The following NUB1 variants were observed in gnomAD, a reference collection of about 807,000 sequenced individuals.
NUB1 encodes the protein negative regulator of ubiquitin like proteins 1.
A neutral mutation model predicts 77.1 loss-of-function variants in NUB1; 41 were observed. The observed-to-expected ratio is 0.53, with a 90% CI of 0.41 to 0.69. The LOEUF is 0.69. Among genes scored for constraint, NUB1 ranks in the 30% least tolerant of loss-of-function variants. The pLI is 0.00. For synonymous variants in NUB1, 257 were observed against 281.0 expected, an observed-to-expected ratio of 0.91 and a Z score of 0.85; for missense variants, 643 against 743.8, an observed-to-expected ratio of 0.86 and a Z score of 1.58.
rs150021881 is a variant in NUB1 at position 151,348,075 on chromosome 7, A to G, written c.118-998A>G. 6.7e-3 allele frequency among the ~76,000 whole-genome samples: 1,021 copies of G among 152,350 alleles called. 11 individuals are homozygous for G. Among genetic ancestry groups the G allele is most frequent in the African/African-American group, 0.024 (990 of 41,578 alleles). On this transcript the variant is annotated intron_variant, in intron 2 of 14. Coordinates refer to ENST00000568733, the MANE Select transcript of NUB1 (RefSeq NM_001243351.2). ...ATCCTAATCTGAAAATTCAAAATTC[A>G]AAATACTTCAGTGTGCATTTCCTTT...
At chr7:151,355,216 G>A (rs531966032) in intron 5 of NUB1, among the ~76,000 whole-genome samples, 41 of 152,284 alleles carry the variant, frequency 2.7e-4, no homozygotes, top group African/African-American at 7.0e-4. Flanking sequence ...AATATCTGTT[G>A]CTTTGATCTG....
chr7:151,364,402 G>C (rs1797542913), intron 8 of NUB1, among the ~76,000 whole-genome samples: 1 of 145,508 alleles, frequency 6.9e-6, no homozygotes, highest in African/African-American at 2.5e-5. Flanking sequence ...GCCTGGAGGA[G>C]AGAGCGAGAC....
intron 14 of NUB1, 100 bp downstream of exon 14, chr7:151,376,911 G>A (rs1404446295): frequency 1.4e-5 from 20 of 1,433,624 alleles, no homozygotes; most frequent in Admixed American, 7.3e-5. Context: ...CTGAGGGGGC[G>A]TCCCCTGACG....
intron 9 of NUB1, among the ~76,000 whole-genome samples, 154 bp downstream of exon 9, chr7:151,367,279 T>C (rs180841625): frequency 6.6e-6 from 1 of 152,344 alleles, no homozygotes; most frequent in Admixed American, 6.5e-5. Context: ...TATAAAGTGT[T>C]CAATGTTTTA....
intron 11 of NUB1, among the ~76,000 whole-genome samples, chr7:151,373,349 G>A (rs1352180698): frequency 6.6e-6 from 1 of 152,208 alleles, no homozygotes; most frequent in Non-Finnish European, 1.5e-5. Flanking sequence ...CTTTTTAAAT[G>A]ACATTTTTAT....
intron 2 of NUB1, among the ~76,000 whole-genome samples, chr7:151,345,995 T>A (rs1171848947): frequency 6.6e-6 from 1 of 152,202 alleles, no homozygotes; most frequent in Non-Finnish European, 1.5e-5. Flanking sequence ...GAAACTGAAG[T>A]CTGCTTGCTT....
chr7:151,352,516 T>G, intron 4 of NUB1: 1 of 353,670 alleles, frequency 2.8e-6, no homozygotes, highest in Non-Finnish European at 5.2e-6. Context: ...TAAATATAGC[T>G]CATTGCAACC....
intron 8 of NUB1, chr7:151,360,461 G>T: frequency 2.1e-6 from 1 of 466,136 alleles, no homozygotes; most frequent in African/African-American, 1.9e-5. Flanking sequence ...CAAGCAGGTA[G>T]GATATCCTCT....
At chr7:151,346,720 C>G (rs917847506) in intron 2 of NUB1, among the ~76,000 whole-genome samples, 4 of 152,214 alleles carry the variant, frequency 2.6e-5, no homozygotes, top group Non-Finnish European at 5.9e-5. Context: ...CCCTTCCAGA[C>G]CTTGCCTTAG....
rs772784632 is a variant in NUB1 at position 151,376,739 on chromosome 7, C to T, written c.1597C>T (p.Leu533=). Residue 533 remains leucine, a synonymous_variant, in exon 14 of 15, where the codon CTG becomes TTG. Transcript: ENST00000568733. Reference sequence around the variant, plus strand: ...GACCCTTGCTCACAACGGAGGAAGCCTGCCTCCCGAGCTGCCGCTGTCGCC... The same window carrying T: ...GACCCTTGCTCACAACGGAGGAAGCTTGCCTCCCGAGCTGCCGCTGTCGCC... The part of the protein sequence containing the change: ...AQTLAHNGGS[L]PPELPLSPED... The T allele has an allele frequency of 1.2e-6, 2 of 1,601,650 alleles. No homozygotes were observed. Among genetic ancestry groups the T allele is most frequent in the South Asian group, 1.1e-5 (1 of 89,362 alleles).
intron 9 of NUB1, 122 bp from the exon 10 acceptor site, chr7:151,367,739 A>G: frequency 1.6e-6 from 1 of 633,614 alleles, no homozygotes; most frequent in Non-Finnish European, 2.7e-6. Flanking sequence ...TAGTGAAGCC[A>G]TGGACATTTT....
rs1563035843 is a variant in NUB1, at chr7:151,377,852, GCC to G, written c.*631_*632del. The G allele has an allele frequency of 1.3e-5, 2 of 152,184 alleles. No homozygotes were observed. The highest frequency in any genetic ancestry group is 2.9e-5 in the Non-Finnish European group (2 of 68,046). 9.4% of individuals were successfully genotyped at this position (152,184 alleles called of 1,614,324 possible). A position where few individuals can be genotyped will look rare whatever the true frequency, so the allele number is the denominator to read the frequency against. On this transcript the variant is annotated 3_prime_UTR_variant, in exon 15 of 15. Coordinates refer to ENST00000568733, the MANE Select transcript of NUB1 (RefSeq NM_001243351.2). The stretch of plus-strand genomic sequence containing the variant: ...TTATGCTCTTAGTTCAGTAAAATAC[GCC>G]CCCGAAATTCAAGATTGAGTGTCAG...
chr7:151,368,695 T>C (rs879287912), intron 10 of NUB1, 40 bp from the exon 11 acceptor site: 1 of 1,562,498 alleles, frequency 6.4e-7, no homozygotes, highest in Middle Eastern at 1.8e-4. Flanking sequence ...GCTTTAAGTA[T>C]TGCCGTGGTT....
At position 151,367,875 on chromosome 7, in the gene NUB1, A is replaced by G; in HGVS notation, c.1002A>G (p.Lys334=). The G allele has an allele frequency of 6.3e-7, 1 of 1,589,716 alleles. No individual in the cohort carries two copies. The highest frequency in any genetic ancestry group is 8.6e-7 in the Non-Finnish European group (1 of 1,167,516). ...RLVHIKGNCG[K]EKVLFLRLYL... is the part of the protein sequence containing the mutation. ...AATAATTTTAGGGAAATTGTGGGAA[A>G]GAGAAGGTACTGTTTCTAAGACTCT... The change falls in exon 10 of 15, where the codon AAA becomes AAG. Residue 334 remains lysine (K), a synonymous_variant. Coordinates refer to ENST00000568733, the MANE Select transcript of NUB1 (RefSeq NM_001243351.2).
rs201576249 is a variant in NUB1, at chr7:151,355,956, C to T, written c.598+6C>T. The T allele has an allele frequency of 3.0e-5, 48 of 1,613,108 alleles. No individual in the cohort carries two copies. The highest frequency in any genetic ancestry group is 3.7e-5 in the Non-Finnish European group (44 of 1,179,476). The stretch of plus-strand genomic sequence containing the variant: ...AGAAATACTGGCAAAGAGAGGTACC[C>T]AGAGCTCTGGGCTTGTCACCCACTC... On this transcript the variant is annotated splice_donor_region_variant and intron_variant, in intron 6 of 14. Coordinates refer to ENST00000568733, the MANE Select transcript of NUB1 (RefSeq NM_001243351.2).
At chr7:151,368,043 AGT>A in intron 10 of NUB1, 75 bp downstream of exon 10, 1 of 865,944 alleles carries the variant, frequency 1.2e-6, no homozygotes, top group Non-Finnish European at 1.8e-6. Flanking sequence ...ATTTTAACTT[AGT>A]AGTTTGTGAC....
In NUB1 at chr7:151,376,775, T is replaced by C. The variant is rs756395362; in HGVS notation, c.1633T>C (p.Leu545=). The C allele has an allele frequency of 1.3e-6, 2 of 1,593,186 alleles. No individual in the cohort carries two copies. Among genetic ancestry groups the C allele is most frequent in the African/African-American group, 1.3e-5 (1 of 74,608 alleles). The change falls in exon 14 of 15, where the codon TTG becomes CTG. Residue 545 remains leucine, a synonymous_variant. Transcript: ENST00000568733. Reference sequence around the variant, plus strand: ...GCTGCCGCTGTCGCCAGAAGACTCTTTGTCCCCGCCAGCCACGTCCCCTTC... The same window carrying C: ...GCTGCCGCTGTCGCCAGAAGACTCTCTGTCCCCGCCAGCCACGTCCCCTTC... ...PELPLSPEDS[L]SPPATSPSDS...
intron 1 of NUB1, among the ~76,000 whole-genome samples, chr7:151,343,105 T>C (rs1796290788): frequency 6.6e-6 from 1 of 152,238 alleles, no homozygotes; most frequent in Non-Finnish European, 1.5e-5. Flanking sequence ...TTTCTGAAGA[T>C]TCATGAGTAG....
intron 13 of NUB1, 63 bp downstream of exon 13, chr7:151,376,006 C>A: frequency 9.6e-7 from 1 of 1,038,244 alleles, no homozygotes; most frequent in Non-Finnish European, 1.5e-6. Context: ...TTGGGGTAAC[C>A]CGGGTGAATC....
Sources: gnomAD v4.1 joint callset for allele counts (sites outside exome capture counted in the v4.1 genomes callset) on GRCh38, gnomAD v4.1.1 for gene constraint, MANE v1.5 for transcripts, NCBI Gene and HGNC (gene_info 2026-07-23, HGNC 2026-07-21) for gene names.